The following POPDC1 variants were observed in gnomAD, a reference collection of about 807,000 sequenced individuals.
POPDC1 encodes the protein popeye domain-containing protein 1.
At chr6:105,100,944 T>A in the POPDC1 span, 1 of 939,096 alleles carries the variant, frequency 1.1e-6, no homozygotes, top group Non-Finnish European at 1.5e-6. Context: ...TCTTCCATCC[T>A]TGACCCTTCC....
At chr6:105,120,351 T>C in the POPDC1 span, among the ~76,000 whole-genome samples, 1 of 152,154 alleles carries the variant, frequency 6.6e-6, no homozygotes, top group Admixed American at 6.5e-5. Flanking sequence ...TGAGGTCATT[T>C]TACTTGATTC....
the POPDC1 span, chr6:105,116,927 A>G: frequency 4.1e-6 from 6 of 1,480,390 alleles, no homozygotes; most frequent in Admixed American, 8.7e-5. Context: ...AATTATGACT[A>G]TAGTGATTTA....
At chr6:105,126,521 T>C in the POPDC1 span, among the ~76,000 whole-genome samples, 4 of 152,164 alleles carry the variant, frequency 2.6e-5, no homozygotes, top group African/African-American at 9.7e-5. Context: ...CTCTTCCTAT[T>C]AGCTATAATG....
chr6:105,121,859 T>C, the POPDC1 span, among the ~76,000 whole-genome samples: 2 of 152,194 alleles, frequency 1.3e-5, no homozygotes, highest in African/African-American at 4.8e-5. Context: ...ACAGAACGAA[T>C]TTAAAGAAAG....
At chr6:105,099,661 G>A in the POPDC1 span, 1 of 152,276 alleles carries the variant, frequency 6.6e-6, no homozygotes, top group African/African-American at 2.4e-5. Context: ...CTGGAATCAA[G>A]GCCCTCACTG....
the POPDC1 span, chr6:105,097,722 G>A: frequency 3.9e-5 from 6 of 152,122 alleles, no homozygotes; most frequent in African/African-American, 1.4e-4. Flanking sequence ...CAGACAAGTG[G>A]GAAAACCAGA....
the POPDC1 span, chr6:105,101,173 T>C: frequency 6.2e-7 from 1 of 1,613,502 alleles, no homozygotes. Flanking sequence ...CTTCTATCGG[T>C]TTCATCTTGG....
the POPDC1 span, among the ~76,000 whole-genome samples, chr6:105,104,367 T>C: frequency 1.3e-5 from 2 of 152,140 alleles, no homozygotes; most frequent in African/African-American, 4.8e-5. Context: ...ACAGGCATCT[T>C]GAGTGCTGTA....
chr6:105,133,949 T>C, the POPDC1 span, among the ~76,000 whole-genome samples: 2 of 152,276 alleles, frequency 1.3e-5, no homozygotes, highest in Non-Finnish European at 1.5e-5. Flanking sequence ...TCATAAACCA[T>C]GGTAATTACA....
At chr6:105,097,756 A>C in the POPDC1 span, 1 of 152,214 alleles carries the variant, frequency 6.6e-6, no homozygotes, top group Non-Finnish European at 1.5e-5. Context: ...ACATACACAC[A>C]CTGTTAGCAG....
the POPDC1 span, among the ~76,000 whole-genome samples, chr6:105,108,493 A>T: frequency 6.6e-6 from 1 of 152,228 alleles, no homozygotes; most frequent in Non-Finnish European, 1.5e-5. Context: ...AGACTTGAAG[A>T]AAAAATGAAA....
chr6:105,116,997 A>G, the POPDC1 span: 1 of 932,714 alleles, frequency 1.1e-6, no homozygotes, highest in South Asian at 1.8e-5. Context: ...ATTATAAAAA[A>G]AAGGAGACTC....
chr6:105,123,431 T>C, the POPDC1 span, among the ~76,000 whole-genome samples: 73 of 152,196 alleles, frequency 4.8e-4, no homozygotes, highest in Non-Finnish European at 7.4e-4. Context: ...GACGGAGTCT[T>C]GCTCTGTTGC....
chr6:105,107,856 C>G, the POPDC1 span, among the ~76,000 whole-genome samples: 1 of 151,726 alleles, frequency 6.6e-6, no homozygotes, highest in Non-Finnish European at 1.5e-5. Flanking sequence ...TTATTATATC[C>G]TAAGATTTTT....
At chr6:105,111,457 A>G in the POPDC1 span, among the ~76,000 whole-genome samples, 27 of 152,344 alleles carry the variant, frequency 1.8e-4, no homozygotes, top group African/African-American at 6.5e-4. Flanking sequence ...AAGCTTTCCT[A>G]CATACACTGG....
At chr6:105,109,508 C>A in the POPDC1 span, among the ~76,000 whole-genome samples, 1 of 151,786 alleles carries the variant, frequency 6.6e-6, no homozygotes, top group African/African-American at 2.4e-5. Flanking sequence ...GAGGCCAAGA[C>A]GGACAGATCA....
the POPDC1 span, among the ~76,000 whole-genome samples, chr6:105,104,163 G>A: frequency 2.0e-5 from 3 of 151,690 alleles, no homozygotes; most frequent in Admixed American, 6.6e-5. Flanking sequence ...ACTTGGAATG[G>A]TTCCTCCACT....
At chr6:105,099,214 C>G in the POPDC1 span, 2 of 152,202 alleles carry the variant, frequency 1.3e-5, no homozygotes, top group African/African-American at 4.8e-5. Context: ...ATGACAGGAA[C>G]TGGATTCAGA....
chr6:105,127,122 G>A, the POPDC1 span, among the ~76,000 whole-genome samples: 1 of 152,176 alleles, frequency 6.6e-6, no homozygotes, highest in African/African-American at 2.4e-5. Context: ...CCCAGATCAT[G>A]ACAGCTGCTC....
Sources: allele counts gnomAD v4.1 joint callset (sites outside exome capture counted in the v4.1 genomes callset), GRCh38; gene constraint gnomAD v4.1.1; transcripts MANE v1.5; gene names NCBI Gene and HGNC (gene_info 2026-07-23, HGNC 2026-07-21).